Variants in TMC2 observed in about 807,000 individuals in gnomAD.
TMC2 encodes the protein transmembrane channel-like protein 2.
A neutral mutation model predicts 105.9 loss-of-function variants in TMC2; 102 were observed. That is an observed-to-expected ratio of 0.96 (90% CI 0.82 to 1.14). The LOEUF (loss-of-function observed/expected upper bound fraction) is 1.14, where lower values mean the gene tolerates loss of function less well. TMC2 is among the 50% of genes most tolerant of loss of function. The probability of loss-of-function intolerance (pLI) is 0.00; values close to 1 mark genes in which losing one functional copy is unlikely to be tolerated. For synonymous variants in TMC2, 402 were observed against 422.8 expected, an observed-to-expected ratio of 0.95 and a Z score of 0.60; for missense variants, 1,093 against 1,134.3, an observed-to-expected ratio of 0.96 and a Z score of 0.52.
At chr20:2,628,425 A>G (rs546787135) in intron 17 of TMC2, among the ~76,000 whole-genome samples, 2 of 152,226 alleles carry the variant, frequency 1.3e-5, no homozygotes. Context: ...TATTTTCTAT[A>G]TATAAATTTT....
At chr20:2,609,943 G>A (rs986103533) in intron 11 of TMC2, among the ~76,000 whole-genome samples, 3 of 152,156 alleles carry the variant, frequency 2.0e-5, no homozygotes, top group Non-Finnish European at 2.9e-5. Flanking sequence ...CGCCTCCAGG[G>A]TTCAAGCAAT....
intron 11 of TMC2, among the ~76,000 whole-genome samples, chr20:2,607,766 G>GTT (rs1023864891): frequency 8.7e-4 from 133 of 152,272 alleles, no homozygotes; most frequent in African/African-American, 3.0e-3. Context: ...TTGTCTATGT[G>GTT]TTTTTTTATT....
intron 5 of TMC2, among the ~76,000 whole-genome samples, chr20:2,572,876 A>C (rs2086113534): frequency 6.6e-6 from 1 of 152,050 alleles, no homozygotes; most frequent in Admixed American, 6.6e-5. Flanking sequence ...CCTCAATGAC[A>C]TCAAATGCCT....
intron 2 of TMC2, among the ~76,000 whole-genome samples, chr20:2,542,162 T>C (rs2085894191): frequency 6.6e-6 from 1 of 152,158 alleles, no homozygotes. Context: ...GAAAAAAGGA[T>C]TGAATTACAT....
At chr20:2,559,531 GA>G in intron 3 of TMC2, among the ~76,000 whole-genome samples, 1 of 152,184 alleles carries the variant, frequency 6.6e-6, no homozygotes, top group Non-Finnish European at 1.5e-5. Context: ...ATTGTTTTAA[GA>G]ATTCTTTGTG....
intron 17 of TMC2, among the ~76,000 whole-genome samples, chr20:2,635,141 C>T (rs746934950): frequency 6.6e-6 from 1 of 152,216 alleles, no homozygotes; most frequent in Non-Finnish European, 1.5e-5. Flanking sequence ...CTGTGTAGTA[C>T]AGTCCAGGTC....
At chr20:2,548,554 C>T (rs1396268530) in intron 2 of TMC2, among the ~76,000 whole-genome samples, 1 of 151,754 alleles carries the variant, frequency 6.6e-6, no homozygotes, top group Non-Finnish European at 1.5e-5. Context: ...AGGAGAATTG[C>T]TTGAACCCAG....
At chr20:2,599,539 A>ATTTTTTTTTTTTTTTTTTTTTTTTTT (rs11409325) in intron 10 of TMC2, among the ~76,000 whole-genome samples, 1 of 85,512 alleles carries the variant, frequency 1.2e-5, no homozygotes. Context: ...CTTTAATTAC[A>ATTTTTTTTTTTTTTTTTTTTTTTTTT]TTTTTTTTTT....
At chr20:2,561,560 CT>C (rs2122833791) in intron 3 of TMC2, among the ~76,000 whole-genome samples, 1 of 152,318 alleles carries the variant, frequency 6.6e-6, no homozygotes, top group East Asian at 1.9e-4. Context: ...TTCAACGTGG[CT>C]ACTAGAAAAA....
chr20:2,550,440 G>T (rs1472776858), intron 2 of TMC2, among the ~76,000 whole-genome samples: 2 of 152,072 alleles, frequency 1.3e-5, no homozygotes, highest in African/African-American at 2.4e-5. Flanking sequence ...CTAGCATGTC[G>T]CATTGGGTGT....
intron 10 of TMC2, among the ~76,000 whole-genome samples, chr20:2,598,082 G>A (rs910176155): frequency 6.6e-6 from 1 of 152,124 alleles, no homozygotes; most frequent in Non-Finnish European, 1.5e-5. Flanking sequence ...CCTGGTTTGG[G>A]GCTGTGGGAA....
intron 2 of TMC2, among the ~76,000 whole-genome samples, chr20:2,557,970 A>G (rs2085994954): frequency 1.3e-5 from 2 of 152,224 alleles, no homozygotes; most frequent in African/African-American, 4.8e-5. Flanking sequence ...AACGCATCCA[A>G]TTTTATTTAA....
Position 2,617,290 on chromosome 20 carries a change from C to T in TMC2, c.2159C>T (p.Ser720Phe), listed in dbSNP as rs1031782793. 3 of 1,614,214 alleles carry T rather than the reference C, an allele frequency of 1.9e-6. No individual in the cohort carries two copies. Among genetic ancestry groups the T allele is most frequent in the Admixed American group, 3.3e-5 (2 of 60,020 alleles). ...VAYTIMSLPP[S>F]FDCGPFSGKN... ...TACACCATCATGTCCCTCCCACCCT[C>T]CTTTGACTGCGGGCCGTTCAGGTGC... is the stretch of plus-strand genomic sequence containing the variant. The change falls in exon 16 of 20, where the codon TCC becomes TTC. Residue 720 changes from serine (S) to phenylalanine (F), a missense_variant. Transcript: ENST00000358864.
At position 2,541,668 on chromosome 20, in the gene TMC2, GA is replaced by G. The variant is rs372660837; in HGVS notation, c.82+4360del. Among the ~76,000 whole-genome samples, 862 of 149,716 alleles carry G rather than the reference GA, an allele frequency of 5.8e-3. 18 individuals are homozygous for G. Among genetic ancestry groups the G allele is most frequent in the African/African-American group, 0.02 (816 of 40,818 alleles). The stretch of plus-strand genomic sequence containing the variant: ...AACCAAAAAAAAAAAAAGAAAGAAA[GA>G]AAAAAAAGAAAAGAAAAAAGAAAGT... On this transcript the variant is annotated intron_variant, in intron 2 of 19. Coordinates refer to ENST00000358864, the MANE Select transcript of TMC2 (RefSeq NM_080751.3).
At chr20:2,606,891 C>CTTTTTTTTTTTT (rs11476357) in intron 11 of TMC2, among the ~76,000 whole-genome samples, 8 of 83,978 alleles carry the variant, frequency 9.5e-5, no homozygotes, top group South Asian at 4.0e-4. Flanking sequence ...TTTCTTTTTT[C>CTTTTTTTTTTTT]TTTTTTTTTT....
intron 11 of TMC2, among the ~76,000 whole-genome samples, chr20:2,608,559 C>T (rs575548988): frequency 2.6e-5 from 4 of 152,082 alleles, no homozygotes; most frequent in South Asian, 2.1e-4. Flanking sequence ...AACTCCTGAA[C>T]CCAGGTGATC....
Position 2,613,303 on chromosome 20 carries a change from G to A in TMC2, c.1853G>A (p.Trp618Ter), listed in dbSNP as rs1321419402. The A allele has an allele frequency of 2.5e-6, 4 of 1,614,092 alleles. No individual in the cohort carries two copies. Among genetic ancestry groups the A allele is most frequent in the East Asian group, 2.2e-5 (1 of 44,876 alleles). ...CGGTTCATGAACTACTGCTGGTGCT[G>A]GGACTTGGAGGCTGGATTTGTAGGT... ...FVRFMNYCWCWDLEAGFPSYA... is the reference protein window; with the variant it reads ...FVRFMNYCWC Residue 618 changes from tryptophan (W) to a stop codon, truncating the protein, a stop_gained, in exon 14 of 20, where the codon TGG (tryptophan) becomes TAG (stop). Coordinates refer to ENST00000358864, the MANE Select transcript of TMC2 (RefSeq NM_080751.3). LOFTEE classifies it high-confidence loss of function.
intron 16 of TMC2, among the ~76,000 whole-genome samples, chr20:2,620,256 T>C (rs1257544744): frequency 1.3e-5 from 2 of 152,224 alleles, no homozygotes; most frequent in African/African-American, 4.8e-5. Flanking sequence ...GTACCAGGAT[T>C]TGATGATTCT....
At chr20:2,556,158 G>A (rs1008910274) in intron 2 of TMC2, among the ~76,000 whole-genome samples, 1 of 151,978 alleles carries the variant, frequency 6.6e-6, no homozygotes, top group Non-Finnish European at 1.5e-5. Context: ...GTGCGATCTC[G>A]TCTCACTGCA....
Sources: allele counts gnomAD v4.1 joint callset (sites outside exome capture counted in the v4.1 genomes callset), GRCh38; gene constraint gnomAD v4.1.1; transcripts MANE v1.5; gene names NCBI Gene and HGNC (gene_info 2026-07-23, HGNC 2026-07-21).